MLXIPL: variants seen among roughly 807,000 people sequenced by gnomAD.
The protein encoded by MLXIPL is carbohydrate-responsive element-binding protein.
Under a neutral mutation model 81.5 loss-of-function variants are expected in MLXIPL, and 49 were observed. That is an observed-to-expected ratio of 0.60 (90% CI 0.48 to 0.76). The LOEUF (loss-of-function observed/expected upper bound fraction) is 0.76. MLXIPL is among the 30% of genes least tolerant of loss of function. The pLI is 0.00. For missense variants in MLXIPL, 1,053 were observed against 1,167.0 expected, an observed-to-expected ratio of 0.90 and a Z score of 1.42; for synonymous variants, 466 against 485.5, an observed-to-expected ratio of 0.96 and a Z score of 0.53.
At chr7:73,603,183 C>T (rs1795019867) in intron 7 of MLXIPL, among the ~76,000 whole-genome samples, 1 of 152,174 alleles carries the variant, frequency 6.6e-6, no homozygotes, top group African/African-American at 2.4e-5. Flanking sequence ...TTGGGGGCAA[C>T]GAGAGCTGCC....
At chr7:73,612,895 C>T (rs751148755) in intron 2 of MLXIPL, among the ~76,000 whole-genome samples, 2 of 152,088 alleles carry the variant, frequency 1.3e-5, no homozygotes, top group Non-Finnish European at 2.9e-5. Context: ...GGCAGGGTGC[C>T]CACAGCTTAG....
intron 1 of MLXIPL, among the ~76,000 whole-genome samples, 168 bp downstream of exon 1, chr7:73,624,032 C>T (rs1796552887): frequency 6.6e-6 from 1 of 151,890 alleles, no homozygotes; most frequent in Non-Finnish European, 1.5e-5. Flanking sequence ...TGTAGGAGGA[C>T]CTCGGGGCTG....
intron 2 of MLXIPL, among the ~76,000 whole-genome samples, chr7:73,612,112 G>A (rs1189512554): frequency 1.3e-5 from 2 of 152,082 alleles, no homozygotes; most frequent in Admixed American, 1.3e-4. Context: ...GATTGCTTGA[G>A]GCCAGGAGTT....
the MLXIPL span, among the ~76,000 whole-genome samples, chr7:73,636,591 C>T: frequency 1.7e-4 from 26 of 152,132 alleles, no homozygotes; most frequent in Non-Finnish European, 2.8e-4. Context: ...CCAGCTCCCT[C>T]GGAGCACAGG....
At chr7:73,643,444 G>T in the MLXIPL span, among the ~76,000 whole-genome samples, 1 of 151,740 alleles carries the variant, frequency 6.6e-6, no homozygotes, top group Non-Finnish European at 1.5e-5. Flanking sequence ...AACCCGGGAG[G>T]CGGAGCTTGC....
the MLXIPL span, among the ~76,000 whole-genome samples, chr7:73,644,536 G>T: frequency 6.6e-6 from 1 of 152,162 alleles, no homozygotes; most frequent in Non-Finnish European, 1.5e-5. Context: ...AAATGGCTAT[G>T]ACTATGTGAT....
the MLXIPL span, among the ~76,000 whole-genome samples, chr7:73,642,334 G>T: frequency 1.3e-5 from 2 of 151,628 alleles, no homozygotes; most frequent in Admixed American, 6.6e-5. Flanking sequence ...GGTTTTTAAT[G>T]GAGGTTTCTA....
At chr7:73,628,300 C>A (rs2116563941), upstream of MLXIPL, among the ~76,000 whole-genome samples, 1 of 152,270 alleles carries the variant, frequency 6.6e-6, no homozygotes, top group South Asian at 2.1e-4. Context: ...TGAGTGAATT[C>A]TCTCCTTCAC....
chr7:73,607,279 C>T (rs781790202), intron 4 of MLXIPL, 52 bp downstream of exon 4: 4 of 1,515,158 alleles, frequency 2.6e-6, no homozygotes, highest in Non-Finnish European at 2.7e-6. Context: ...GGGCGGTAGC[C>T]GGCAGCCGCA....
chr7:73,643,526 A>G, the MLXIPL span, among the ~76,000 whole-genome samples: 1 of 152,006 alleles, frequency 6.6e-6, no homozygotes, highest in Non-Finnish European at 1.5e-5. Context: ...AAAAAAAAAA[A>G]AAAAGAAAGA....
chr7:73,642,210 G>A, the MLXIPL span, among the ~76,000 whole-genome samples: 1 of 152,098 alleles, frequency 6.6e-6, no homozygotes, highest in African/African-American at 2.4e-5. Flanking sequence ...GAGATGCATG[G>A]GCTAGAGTAT....
At chr7:73,645,763 C>A in the MLXIPL span, among the ~76,000 whole-genome samples, 2 of 152,164 alleles carry the variant, frequency 1.3e-5, no homozygotes, top group Non-Finnish European at 2.9e-5. Context: ...GTAGTGGGAA[C>A]AGAAACCAGG....
chr7:73,629,056 T>C (rs1554604136), upstream of MLXIPL, among the ~76,000 whole-genome samples: 1 of 151,460 alleles, frequency 6.6e-6, no homozygotes, highest in African/African-American at 2.4e-5. Flanking sequence ...TCTTTTTTTT[T>C]TTTTGAGACC....
chr7:73,634,403 T>A, the MLXIPL span, among the ~76,000 whole-genome samples: 20 of 151,808 alleles, frequency 1.3e-4, no homozygotes, highest in African/African-American at 3.6e-4. Context: ...AAAAGGAAAA[T>A]TTTTTTGAGA....
the MLXIPL span, among the ~76,000 whole-genome samples, chr7:73,632,133 C>T: frequency 6.6e-6 from 1 of 151,378 alleles, no homozygotes; most frequent in Non-Finnish European, 1.5e-5. Flanking sequence ...GCTGGGACCA[C>T]CACACTCAGC....
chr7:73,638,221 C>T, the MLXIPL span, among the ~76,000 whole-genome samples: 7 of 152,214 alleles, frequency 4.6e-5, no homozygotes, highest in Non-Finnish European at 1.0e-4. Context: ...GGATTTTGAT[C>T]ACTCCATGCT....
chr7:73,626,202 C>T (rs145782702), upstream of MLXIPL, among the ~76,000 whole-genome samples: 691 of 152,278 alleles, frequency 4.5e-3, 22 homozygotes, highest in East Asian at 0.037. Flanking sequence ...CGAGGTTTCT[C>T]CATGCTGGCC....
At chr7:73,638,346 C>G in the MLXIPL span, among the ~76,000 whole-genome samples, 1 of 152,262 alleles carries the variant, frequency 6.6e-6, no homozygotes, top group Non-Finnish European at 1.5e-5. Flanking sequence ...ACTCTGTCAC[C>G]CAGGCTGGAA....
At chr7:73,636,598 C>T in the MLXIPL span, among the ~76,000 whole-genome samples, 7 of 152,114 alleles carry the variant, frequency 4.6e-5, no homozygotes, top group Non-Finnish European at 8.8e-5. Context: ...CCTCGGAGCA[C>T]AGGCAGCCAC....
Sources: gnomAD v4.1 joint callset for allele counts (sites outside exome capture counted in the v4.1 genomes callset) on GRCh38, gnomAD v4.1.1 for gene constraint, MANE v1.5 for transcripts, NCBI Gene and HGNC (gene_info 2026-07-23, HGNC 2026-07-21) for gene names.